DST: variants seen among roughly 807,000 people sequenced by gnomAD.
DST encodes the protein bullous pemphigoid antigen.
DST carries 253 observed loss-of-function variants against 875.2 expected under a neutral mutation model. The ratio of observed to expected loss-of-function variants is 0.29; its 90% CI spans 0.26 to 0.32. The LOEUF (loss-of-function observed/expected upper bound fraction) is 0.32. DST is among the 10% of genes least tolerant of loss of function. The pLI is 1.00. For missense variants in DST, 8,287 were observed against 9,111.6 expected (o/e 0.91, Z 3.68); for synonymous variants, 3,124 against 3,197.1 (o/e 0.98, Z 0.77).
At chr6:56,716,963 C>T (rs1317223189) in intron 5 of DST, among the ~76,000 whole-genome samples, 1 of 152,082 alleles carries the variant, frequency 6.6e-6, no homozygotes, top group African/African-American at 2.4e-5. Flanking sequence ...GGGCGGATCA[C>T]GAGGTCAGGA....
At chr6:56,941,485 T>C (rs1383699716) in intron 2 of DST, among the ~76,000 whole-genome samples, 1 of 145,546 alleles carries the variant, frequency 6.9e-6, no homozygotes. Context: ...TTTACAAATA[T>C]TTATTTATTC....
rs1017755789 is a variant in DST, at chr6:56,598,725, G to A, written c.11695-16C>T. 4.2e-6 allele frequency: 6 copies of A among 1,443,346 alleles called. No homozygotes were observed. The Admixed American group carries it at 8.7e-5, about 21-fold the overall frequency. The allele number at this position is 1,443,346 out of a possible 1,614,324, so 89.4% of individuals were successfully genotyped here. On this transcript the variant is annotated splice_polypyrimidine_tract_variant and intron_variant, in intron 45 of 103. Transcript: ENST00000680361. ...TCTGTAATTCCTTATAACACAAAAGGAAAAAATATATTTTATTAAATTATT... is the reference window on the plus strand; with the variant it reads ...TCTGTAATTCCTTATAACACAAAAGAAAAAAATATATTTTATTAAATTATT...
chr6:56,646,127 G>T lies in DST; in HGVS notation c.1610C>A (p.Thr537Lys). 4 of 1,539,566 alleles carry T rather than the reference G, an allele frequency of 2.6e-6. No homozygotes were observed. Among genetic ancestry groups the T allele is most frequent in the Non-Finnish European group, 3.5e-6 (4 of 1,133,774 alleles). Reference sequence around the variant, plus strand: ...TAGACGTTTAATTTTTGATTTTTCTGTCTCCTTTGGTGGAATTTCTGTTTC... The same window carrying T: ...TAGACGTTTAATTTTTGATTTTTCTTTCTCCTTTGGTGGAATTTCTGTTTC... ...FKETEIPPKE[T>K]EKSKIKRLYK... The change falls in exon 14 of 104, where the codon ACA (threonine) becomes AAA (lysine). Residue 537 changes from threonine to lysine, a missense_variant. Physicochemically the swap from Thr to Lys is moderately conservative, Grantham distance 78. This residue lies in a region of DST where 1,160 missense variants were observed against 1,424.3 expected (regional missense o/e 0.81). Coordinates refer to ENST00000680361, the MANE Select transcript of DST (RefSeq NM_001374736.1).
chr6:56,631,368 G>A lies in DST; in HGVS notation c.3985C>T (p.Arg1329Ter), dbSNP rs774552617. Residue 1329 changes from arginine (R) to a stop codon, truncating the protein, a stop_gained, in exon 30 of 104, where the codon CGA becomes TGA. Coordinates refer to ENST00000680361, the MANE Select transcript of DST (RefSeq NM_001374736.1). LOFTEE classifies it high-confidence loss of function. ...ATTGTTCCCAAATCATCTTTAAGTCGTTCCAGCTCTTTCTTTAGTTTCTAT... is the reference window on the plus strand; with the variant it reads ...ATTGTTCCCAAATCATCTTTAAGTCATTCCAGCTCTTTCTTTAGTTTCTAT... ...EQEKLKKELE[R>*]LKDDLGTITN... The A allele has an allele frequency of 1.9e-6, 3 of 1,613,648 alleles. No homozygotes were observed. The highest frequency in any genetic ancestry group is 2.5e-6 in the Non-Finnish European group (3 of 1,179,862).
intron 3 of DST, among the ~76,000 whole-genome samples, chr6:56,892,978 T>C (rs1309753091): frequency 6.6e-6 from 1 of 152,212 alleles, no homozygotes; most frequent in Non-Finnish European, 1.5e-5. Context: ...CATGACTCTA[T>C]ATGGTAGCTA....
chr6:56,692,881 G>A, intron 9 of DST: 1 of 1,289,820 alleles, frequency 7.8e-7, no homozygotes, highest in Non-Finnish European at 1.0e-6. Flanking sequence ...ATCTCCCAGT[G>A]CAGAGTTTAG....
chr6:56,517,910 A>C (rs2096626294), intron 69 of DST, among the ~76,000 whole-genome samples: 1 of 152,118 alleles, frequency 6.6e-6, no homozygotes, highest in Non-Finnish European at 1.5e-5. Flanking sequence ...AATAATTTGC[A>C]CCTTAGGAGT....
chr6:56,569,913 G>A lies in DST; in HGVS notation c.13821C>T (p.Pro4607=). The change falls in exon 54 of 104, where the codon CCC becomes CCT. Residue 4607 remains proline, a synonymous_variant. Transcript: ENST00000680361. ...CTGCACCAAAAGAAGGCTGTACAAT[G>A]GGAACTTTTTTTGTTGTTTCTTTTA... ...SWIKETTKKV[P]IVQPSFGAED... 1 of 1,612,014 alleles carries A rather than the reference G, an allele frequency of 6.2e-7. No homozygotes were observed. Among genetic ancestry groups the A allele is most frequent in the East Asian group, 2.2e-5 (1 of 44,674 alleles).
chr6:56,680,476 C>CT (rs1365293235), intron 9 of DST, among the ~76,000 whole-genome samples: 1 of 152,216 alleles, frequency 6.6e-6, no homozygotes, highest in Non-Finnish European at 1.5e-5. Context: ...CCTCATGGAG[C>CT]TTACAGTCTA....
chr6:56,792,913 C>G (rs1199333640), intron 4 of DST, among the ~76,000 whole-genome samples: 1 of 151,402 alleles, frequency 6.6e-6, no homozygotes, highest in Non-Finnish European at 1.5e-5. Flanking sequence ...ACAAAAAATA[C>G]AAAAATGTAG....
In DST at chr6:56,552,522, T is replaced by C; in HGVS notation, c.16270A>G (p.Thr5424Ala). 6.2e-7 allele frequency: 1 copy of C among 1,613,984 alleles called. No individual in the cohort carries two copies. The highest frequency in any genetic ancestry group is 8.5e-7 in the Non-Finnish European group (1 of 1,179,884). Reference sequence around the variant, plus strand: ...AGTTTCTTTAGAAAGGCTTTTATAGTTTCCTTTTGCTTTTGCAATGTTTCT... The same window carrying C: ...AGTTTCTTTAGAAAGGCTTTTATAGCTTCCTTTTGCTTTTGCAATGTTTCT... The part of the protein sequence containing the change: ...DAETLQKQKE[T>A]IKAFLKKLEA... The change falls in exon 61 of 104, where the codon ACT becomes GCT. Residue 5424 changes from threonine to alanine, a missense_variant. This residue lies in a region of DST where 9 missense variants were observed against 25.2 expected (regional missense o/e 0.36). Coordinates refer to ENST00000680361, the MANE Select transcript of DST (RefSeq NM_001374736.1).
chr6:56,631,217 A>G lies in DST; in HGVS notation c.4136T>C (p.Ile1379Thr). 1 of 1,608,050 alleles carries G rather than the reference A, an allele frequency of 6.2e-7. No homozygotes were observed. Among genetic ancestry groups the G allele is most frequent in the Non-Finnish European group, 8.5e-7 (1 of 1,175,072 alleles). Reference sequence around the variant, plus strand: ...TGAGATAGCAGTTACATACTTATCTATGTAAGTGGAAGACATAGAATAGAC... The same window carrying G: ...TGAGATAGCAGTTACATACTTATCTGTGTAAGTGGAAGACATAGAATAGAC... ...NQVYSMSSTY[I>T]DKLKTVNLVL... is the part of the protein sequence containing the mutation. The change falls in exon 30 of 104, where the codon ATA becomes ACA. Residue 1379 changes from isoleucine to threonine, a missense_variant. Ile to Thr is a moderately conservative substitution (Grantham distance 89, BLOSUM62 -1). Transcript: ENST00000680361.
chr6:56,916,572 T>C lies in DST; in HGVS notation c.217-15951A>G, dbSNP rs560621387. 5.9e-5 allele frequency among the ~76,000 whole-genome samples: 9 copies of C among 152,086 alleles called. No homozygotes were observed. The East Asian group carries it at 1.7e-3, about 30-fold the overall frequency. On this transcript the variant is annotated intron_variant, in intron 2 of 103. Transcript: ENST00000680361. ...TTCGAGACTAGCCTGGGCAACATAGTGAGACCCTGTCTCTACCAAAAATAC... is the reference window on the plus strand; with the variant it reads ...TTCGAGACTAGCCTGGGCAACATAGCGAGACCCTGTCTCTACCAAAAATAC...
chr6:56,725,580 A>G (rs2099450553), intron 5 of DST, among the ~76,000 whole-genome samples: 1 of 152,312 alleles, frequency 6.6e-6, no homozygotes, highest in Non-Finnish European at 1.5e-5. Context: ...ATGGACAAAG[A>G]AAAGGAGTTA....
At chr6:56,851,124 T>G (rs1417548690) in intron 4 of DST, 19 of 485,610 alleles carry the variant, frequency 3.9e-5, no homozygotes, top group Non-Finnish European at 3.7e-5. Flanking sequence ...TAGGAAAGTT[T>G]AGTGCAAATG....
At chr6:56,899,240 T>A (rs139664713) in intron 3 of DST, among the ~76,000 whole-genome samples, 6 of 152,366 alleles carry the variant, frequency 3.9e-5, no homozygotes, top group African/African-American at 1.4e-4. Flanking sequence ...AATGCATGTT[T>A]GTTGAATGAG....
chr6:56,856,722 G>T (rs987331151), intron 3 of DST, among the ~76,000 whole-genome samples: 1 of 152,166 alleles, frequency 6.6e-6, no homozygotes, highest in Non-Finnish European at 1.5e-5. Flanking sequence ...GGCAACTGGG[G>T]AAATCTGAAC....
chr6:56,487,876 A>C (rs753764903), intron 86 of DST, among the ~76,000 whole-genome samples: 1 of 152,254 alleles, frequency 6.6e-6, no homozygotes, highest in Non-Finnish European at 1.5e-5. Flanking sequence ...TGGAAACATT[A>C]ATACAGTGAT....
intron 96 of DST, 32 bp from the exon 97 acceptor site, chr6:56,469,989 A>C (rs1209551596): frequency 1.2e-6 from 2 of 1,609,578 alleles, no homozygotes; most frequent in Non-Finnish European, 8.5e-7. Context: ...TATTTACTTT[A>C]ATGTCAATAT....
Sources: gnomAD v4.1 joint callset for allele counts (sites outside exome capture counted in the v4.1 genomes callset) on GRCh38, gnomAD v4.1.1 for gene constraint, gnomAD v4.1.1 regional missense constraint, MANE v1.5 for transcripts, NCBI Gene and HGNC (gene_info 2026-07-23, HGNC 2026-07-21) for gene names.